The following LPP variants were observed in gnomAD, a reference collection of about 807,000 sequenced individuals.
LPP encodes the protein lipoma-preferred partner.
A neutral mutation model predicts 60.4 loss-of-function variants in LPP; 38 were observed. That is an observed-to-expected ratio of 0.63 (90% confidence interval 0.49 to 0.83). LPP has a LOEUF of 0.83. LPP is among the 40% of genes least tolerant of loss of function. The probability of loss-of-function intolerance (pLI) is 0.00; values close to 1 mark genes in which losing one functional copy is unlikely to be tolerated. For synonymous variants in LPP, 328 were observed against 290.8 expected (o/e 1.13, Z -1.30); for missense variants, 902 against 783.6 (o/e 1.15, Z -1.80).
intron 5 of LPP, among the ~76,000 whole-genome samples, chr3:188,501,483 C>T (rs975052230): frequency 6.6e-6 from 1 of 151,412 alleles, no homozygotes; most frequent in African/African-American, 2.4e-5. Flanking sequence ...GGCGTGGTGG[C>T]TCACGCCTGT....
At chr3:188,399,691 T>G (rs1781789059) in intron 3 of LPP, among the ~76,000 whole-genome samples, 1 of 152,212 alleles carries the variant, frequency 6.6e-6, no homozygotes, top group Non-Finnish European at 1.5e-5. Flanking sequence ...AGTATATACA[T>G]AAAGATCCCC....
At chr3:188,769,897 C>T (rs1479647514) in intron 9 of LPP, among the ~76,000 whole-genome samples, 2 of 152,158 alleles carry the variant, frequency 1.3e-5, no homozygotes, top group Non-Finnish European at 2.9e-5. Context: ...GGTTAAATGC[C>T]TCTGAAACTT....
chr3:188,684,539 T>C (rs1231004797), intron 7 of LPP, among the ~76,000 whole-genome samples: 2 of 152,160 alleles, frequency 1.3e-5, no homozygotes, highest in African/African-American at 4.8e-5. Flanking sequence ...TAAAAACCAC[T>C]TGGGAGAGGG....
intron 9 of LPP, among the ~76,000 whole-genome samples, chr3:188,806,866 A>G (rs1749299914): frequency 6.6e-6 from 1 of 151,902 alleles, no homozygotes; most frequent in South Asian, 2.1e-4. Context: ...TTACTTATAT[A>G]TATTCTATAA....
At chr3:188,310,858 T>C (rs1268292553) in intron 2 of LPP, among the ~76,000 whole-genome samples, 1 of 152,148 alleles carries the variant, frequency 6.6e-6, no homozygotes, top group Non-Finnish European at 1.5e-5. Flanking sequence ...AGAATCCTTA[T>C]AGTAAAGAGA....
At chr3:188,688,736 T>C (rs1180995796) in intron 7 of LPP, 5 of 474,316 alleles carry the variant, frequency 1.1e-5, no homozygotes, top group Non-Finnish European at 2.2e-5. Flanking sequence ...TTTTGCATGG[T>C]AGACAACATG....
intron 8 of LPP, among the ~76,000 whole-genome samples, chr3:188,757,068 G>T (rs9883953): frequency 0.19 from 28,758 of 152,100 alleles, 3,319 homozygotes; most frequent in Middle Eastern, 0.38. Context: ...ATCCTTGAAG[G>T]TTCGGCTCAA....
Position 188,524,796 on chromosome 3 carries a change from A to C in LPP, c.429+9A>C. The C allele has an allele frequency of 6.2e-7, 1 of 1,610,984 alleles. No homozygotes were observed. Among genetic ancestry groups the C allele is most frequent in the Non-Finnish European group, 8.5e-7 (1 of 1,178,586 alleles). ...AGCCTCGGCCTCCACAGGTTAGTGC[A>C]GCCCACAATCATCTCCACACAGCCA... On this transcript the variant is annotated intron_variant, in intron 6 of 11. Coordinates refer to ENST00000617246, the MANE Select transcript of LPP (RefSeq NM_001375462.1).
intron 3 of LPP, among the ~76,000 whole-genome samples, chr3:188,375,705 C>T (rs553158041): frequency 1.4e-4 from 21 of 152,146 alleles, no homozygotes; most frequent in African/African-American, 5.1e-4. Context: ...TCTCTATTTC[C>T]TTCATTCTGC....
chr3:188,742,615 A>G (rs1724835155), intron 8 of LPP, among the ~76,000 whole-genome samples: 1 of 152,104 alleles, frequency 6.6e-6, no homozygotes, highest in Admixed American at 6.6e-5. Context: ...AAACTAATCT[A>G]TACTGACACA....
Position 188,876,777 on chromosome 3 carries a change from C to T in LPP, c.*2298C>T. Reference sequence around the variant, plus strand: ...AAGAAGAATTTATTGAATATTTATACTATAAAATGCAGTAACATTCTACTT... The same window carrying T: ...AAGAAGAATTTATTGAATATTTATATTATAAAATGCAGTAACATTCTACTT... On this transcript the variant is annotated 3_prime_UTR_variant, in exon 12 of 12. Transcript: ENST00000617246. 5.4e-6 allele frequency: 1 copy of T among 185,094 alleles called. No individual in the cohort carries two copies. The allele number at this position is 185,094 out of a possible 1,614,324, so 11.5% of individuals were successfully genotyped here.
chr3:188,547,254 C>T (rs1258859064), intron 6 of LPP, among the ~76,000 whole-genome samples: 1 of 152,170 alleles, frequency 6.6e-6, no homozygotes, highest in Non-Finnish European at 1.5e-5. Flanking sequence ...TCCTGTCTGC[C>T]TTATATACAC....
chr3:188,644,475 A>G (rs1446433597), intron 7 of LPP, among the ~76,000 whole-genome samples: 1 of 152,228 alleles, frequency 6.6e-6, no homozygotes, highest in African/African-American at 2.4e-5. Context: ...TGTTCCTTTC[A>G]GATTAGAGAA....
At chr3:188,204,410 C>T (rs1176197196) in intron 1 of LPP, among the ~76,000 whole-genome samples, 1 of 152,060 alleles carries the variant, frequency 6.6e-6, no homozygotes, top group Non-Finnish European at 1.5e-5. Flanking sequence ...GGAATCTTGG[C>T]AGTAACTCAG....
intron 4 of LPP, among the ~76,000 whole-genome samples, chr3:188,471,697 G>A (rs970436410): frequency 6.6e-6 from 1 of 152,118 alleles, no homozygotes; most frequent in Non-Finnish European, 1.5e-5. Flanking sequence ...GAAATTCAGA[G>A]GTGAAATCAA....
chr3:188,753,755 T>C (rs1236293127), intron 8 of LPP, among the ~76,000 whole-genome samples: 1 of 152,184 alleles, frequency 6.6e-6, no homozygotes, highest in Admixed American at 6.5e-5. Context: ...CCTTTTCTTG[T>C]TGCGAGTGTT....
intron 8 of LPP, among the ~76,000 whole-genome samples, chr3:188,732,874 C>A (rs1577249545): frequency 6.6e-6 from 1 of 152,000 alleles, no homozygotes; most frequent in East Asian, 1.9e-4. Flanking sequence ...TGAAAATGCT[C>A]TTTCAACTAT....
intron 2 of LPP, among the ~76,000 whole-genome samples, chr3:188,251,099 C>G (rs561507855): frequency 1.5e-5 from 2 of 137,896 alleles, no homozygotes; most frequent in African/African-American, 5.8e-5. Flanking sequence ...CTTTCTCTCT[C>G]TCTCTTTCTC....
chr3:188,768,699 A>G (rs960461887), intron 9 of LPP, among the ~76,000 whole-genome samples: 1 of 152,348 alleles, frequency 6.6e-6, no homozygotes, highest in Non-Finnish European at 1.5e-5. Flanking sequence ...ACAAAGGTCC[A>G]TGTACCTGTT....
Sources: gnomAD v4.1 joint callset for allele counts (sites outside exome capture counted in the v4.1 genomes callset) on GRCh38, gnomAD v4.1.1 for gene constraint, MANE v1.5 for transcripts, NCBI Gene and HGNC (gene_info 2026-07-23, HGNC 2026-07-21) for gene names.